Variants in ARHGEF26 observed in about 807,000 individuals in gnomAD.
ARHGEF26 encodes the protein Rho guanine nucleotide exchange factor 26.
A neutral mutation model predicts 89.4 loss-of-function variants in ARHGEF26; 59 were observed. The observed-to-expected ratio is 0.66, with a 90% CI of 0.54 to 0.82. ARHGEF26 has a LOEUF of 0.82. Among genes scored for constraint, ARHGEF26 ranks in the 40% least tolerant of loss-of-function variants. The pLI is 0.00. For synonymous variants in ARHGEF26, 500 were observed against 428.4 expected, an observed-to-expected ratio of 1.17 and a Z score of -2.06; for missense variants, 1,234 against 1,085.6, an observed-to-expected ratio of 1.14 and a Z score of -1.92.
intron 11 of ARHGEF26, among the ~76,000 whole-genome samples, chr3:154,227,318 TAG>T (rs1716553419): frequency 7.0e-6 from 1 of 143,832 alleles, no homozygotes; most frequent in Non-Finnish European, 1.5e-5. Context: ...TTTTTTGAGA[TAG>T]AGTCTTGCTG....
rs760838573 is a variant in ARHGEF26, at chr3:154,122,445, C to G, written c.453C>G (p.Asn151Lys). 2 of 1,611,964 alleles carry G rather than the reference C, an allele frequency of 1.2e-6. No homozygotes were observed. Among genetic ancestry groups the G allele is most frequent in the East Asian group, 2.2e-5 (1 of 44,856 alleles). ...PPVLRPPRTP[N>K]APAPCTPEED... ...TTCTGCGCCCCCCGCGGACTCCTAACGCGCCCGCCCCCTGCACCCCCGAGG... is the reference window on the plus strand; with the variant it reads ...TTCTGCGCCCCCCGCGGACTCCTAAGGCGCCCGCCCCCTGCACCCCCGAGG... Residue 151 changes from asparagine (N) to lysine (K), a missense_variant, in exon 2 of 15, where the codon AAC becomes AAG. Coordinates refer to ENST00000465093, the MANE Select transcript of ARHGEF26 (RefSeq NM_015595.4).
intron 9 of ARHGEF26, among the ~76,000 whole-genome samples, chr3:154,214,525 A>T (rs1482114063): frequency 6.6e-6 from 1 of 152,132 alleles, no homozygotes; most frequent in African/African-American, 2.4e-5. Flanking sequence ...GAGTTGAGTC[A>T]CCAGGATAGA....
intron 6 of ARHGEF26, among the ~76,000 whole-genome samples, chr3:154,187,397 T>C (rs1465197230): frequency 2.6e-5 from 4 of 150,986 alleles, no homozygotes; most frequent in African/African-American, 9.7e-5. Flanking sequence ...TTTTTTTTTT[T>C]TTGGTTTTGT....
chr3:154,124,113 A>G (rs1057278254), intron 2 of ARHGEF26, among the ~76,000 whole-genome samples: 1 of 152,200 alleles, frequency 6.6e-6, no homozygotes. Flanking sequence ...TTTAACAGTG[A>G]TGGTGAATCA....
chr3:154,189,629 G>A (rs1484302316), intron 7 of ARHGEF26, among the ~76,000 whole-genome samples: 3 of 152,114 alleles, frequency 2.0e-5, no homozygotes, highest in Non-Finnish European at 2.9e-5. Context: ...AAGCCACTGC[G>A]CCCAGCCCGC....
chr3:154,214,660 T>G (rs74612873), intron 9 of ARHGEF26, among the ~76,000 whole-genome samples: 1 of 152,112 alleles, frequency 6.6e-6, no homozygotes, highest in Non-Finnish European at 1.5e-5. Flanking sequence ...GAGCCTAGGA[T>G]GTAGACAAAG....
intron 10 of ARHGEF26, among the ~76,000 whole-genome samples, chr3:154,223,778 A>G (rs1344975063): frequency 6.6e-6 from 1 of 152,180 alleles, no homozygotes; most frequent in East Asian, 1.9e-4. Context: ...TTGATTATTG[A>G]ACAATATTAT....
intron 6 of ARHGEF26, among the ~76,000 whole-genome samples, chr3:154,171,406 C>T (rs1176796947): frequency 6.6e-6 from 1 of 152,072 alleles, no homozygotes; most frequent in African/African-American, 2.4e-5. Context: ...TTACGGTTTG[C>T]TCTTGATGTT....
chr3:154,232,079 T>C (rs1716861506), intron 11 of ARHGEF26, among the ~76,000 whole-genome samples: 2 of 152,192 alleles, frequency 1.3e-5, no homozygotes. Flanking sequence ...CTTAAGAAGC[T>C]GTGCCTGCTC....
At chr3:154,254,941 G>C (rs1718397586) in intron 14 of ARHGEF26, 117 bp downstream of exon 14, 1 of 855,276 alleles carries the variant, frequency 1.2e-6, no homozygotes, top group South Asian at 1.6e-5. Flanking sequence ...GTTAATGTTT[G>C]AGATCACATA....
chr3:154,123,494 A>T (rs1560036023), intron 2 of ARHGEF26, among the ~76,000 whole-genome samples: 2 of 152,216 alleles, frequency 1.3e-5, no homozygotes, highest in African/African-American at 4.8e-5. Flanking sequence ...CAGCTGATTC[A>T]GAAAAATACT....
intron 10 of ARHGEF26, among the ~76,000 whole-genome samples, chr3:154,223,228 T>C (rs1716251470): frequency 6.7e-6 from 1 of 150,358 alleles, no homozygotes; most frequent in African/African-American, 2.5e-5. Context: ...CTGGTTGCCA[T>C]TTGGGGGCCT....
At chr3:154,199,684 G>C (rs1714509656) in intron 9 of ARHGEF26, among the ~76,000 whole-genome samples, 1 of 152,150 alleles carries the variant, frequency 6.6e-6, no homozygotes, top group Admixed American at 6.5e-5. Flanking sequence ...CCCACCATCA[G>C]TGTATGAGGG....
intron 10 of ARHGEF26, among the ~76,000 whole-genome samples, chr3:154,218,834 T>G (rs1715941049): frequency 6.6e-6 from 1 of 152,176 alleles, no homozygotes; most frequent in African/African-American, 2.4e-5. Context: ...ACCCTTTTAT[T>G]TTATGAATGA....
At chr3:154,144,059 G>C (rs902455731) in intron 4 of ARHGEF26, among the ~76,000 whole-genome samples, 2 of 152,200 alleles carry the variant, frequency 1.3e-5, no homozygotes, top group Non-Finnish European at 2.9e-5. Context: ...TGACCAGGGA[G>C]CCCTGCTGAC....
chr3:154,248,883 T>G (rs1336912094), intron 12 of ARHGEF26, among the ~76,000 whole-genome samples: 1 of 152,214 alleles, frequency 6.6e-6, no homozygotes, highest in Non-Finnish European at 1.5e-5. Context: ...TAATGACTTT[T>G]TTTCACGCTA....
At chr3:154,202,027 T>C (rs1057324604) in intron 9 of ARHGEF26, among the ~76,000 whole-genome samples, 14 of 152,196 alleles carry the variant, frequency 9.2e-5, no homozygotes, top group Non-Finnish European at 1.9e-4. Flanking sequence ...CATTTGTCAA[T>C]TTTGGCTTTT....
intron 6 of ARHGEF26, among the ~76,000 whole-genome samples, chr3:154,160,402 T>C (rs1219041825): frequency 3.3e-5 from 5 of 152,154 alleles, no homozygotes; most frequent in African/African-American, 4.8e-5. Flanking sequence ...CTGAAGTCTT[T>C]GTACAATTGA....
intron 9 of ARHGEF26, among the ~76,000 whole-genome samples, chr3:154,210,614 C>G (rs1171692776): frequency 6.6e-6 from 1 of 151,814 alleles, no homozygotes; most frequent in Non-Finnish European, 1.5e-5. Flanking sequence ...TGCACCTGGC[C>G]GCCAATTGCA....
Sources: allele counts gnomAD v4.1 joint callset (sites outside exome capture counted in the v4.1 genomes callset), GRCh38; gene constraint gnomAD v4.1.1; transcripts MANE v1.5; gene names NCBI Gene and HGNC (gene_info 2026-07-23, HGNC 2026-07-21).